LCP2: variants seen among roughly 807,000 people sequenced by gnomAD.
LCP2 encodes lymphocyte cytosolic protein 2, also known as 76 kDa tyrosine phosphoprotein.
In LCP2, 29 loss-of-function variants were observed where a neutral mutation model predicts 74.5. The ratio of observed to expected loss-of-function variants is 0.39; its 90% CI spans 0.29 to 0.53. The LOEUF is 0.53. Among genes scored for constraint, LCP2 ranks in the 20% least tolerant of loss-of-function variants. LCP2 has a pLI of 0.72. For missense variants in LCP2, 604 were observed against 634.6 expected, an observed-to-expected ratio of 0.95 and a Z score of 0.52; for synonymous variants, 228 against 229.5, an observed-to-expected ratio of 0.99 and a Z score of 0.06.
Position 170,261,459 on chromosome 5 carries a change from G to GTA in LCP2, c.927-324_927-323dup, listed in dbSNP as rs112523793. ...ATGTATATGTACACACACACTATAT[G>GTA]TATATACACACACACACACACACAC... On this transcript the variant is annotated intron_variant, in intron 13 of 20. Transcript: ENST00000046794. Among the ~76,000 whole-genome samples, 641 of 150,182 alleles carry GTA rather than the reference G, an allele frequency of 4.3e-3. 9 individuals are homozygous for GTA. The East Asian group carries it at 0.06, about 14-fold the overall frequency.
intron 3 of LCP2, among the ~76,000 whole-genome samples, chr5:170,284,098 A>C (rs1762145529): frequency 6.6e-6 from 1 of 152,242 alleles, no homozygotes; most frequent in Non-Finnish European, 1.5e-5. Context: ...GTAGTTATCT[A>C]ACAGCAGTTC....
chr5:170,288,808 G>A (rs1285249996), intron 2 of LCP2, among the ~76,000 whole-genome samples: 1 of 152,186 alleles, frequency 6.6e-6, no homozygotes. Flanking sequence ...ATCCTACCAC[G>A]TCTGATCCTT....
rs777517380 is a variant in LCP2, at chr5:170,262,694, C to A, written c.867G>T (p.Pro289=). The change falls in exon 13 of 21, where the codon CCG becomes CCT. Residue 289 remains proline, a synonymous_variant. Coordinates refer to ENST00000046794, the MANE Select transcript of LCP2 (RefSeq NM_005565.5). ...LPKIQKPPLP[P]TTERHERSSP... Reference sequence around the variant, plus strand: ...TGCTCCTTTCATGTCTTTCCGTGGTCGGTGGTAAAGGAGGCTTTTGAATCT... The same window carrying A: ...TGCTCCTTTCATGTCTTTCCGTGGTAGGTGGTAAAGGAGGCTTTTGAATCT... The A allele has an allele frequency of 3.1e-6, 5 of 1,613,964 alleles. No homozygotes were observed. The East Asian group carries it at 1.1e-4, about 36-fold the overall frequency.
chr5:170,266,048 C>A (rs973038999), intron 10 of LCP2, among the ~76,000 whole-genome samples: 6 of 152,206 alleles, frequency 3.9e-5, no homozygotes, highest in Admixed American at 2.0e-4. Flanking sequence ...TAAAAATGCA[C>A]CTCCTTTGTT....
rs1761318019 is a variant in LCP2 at position 170,247,196 on chromosome 5, A to G, written c.*1501T>C. ...GAGCCACTAAGTAAATACTTGCTGA[A>G]TAGCCCGTTGTGTAGACGTGTAAAT... is the stretch of plus-strand genomic sequence containing the variant. On this transcript the variant is annotated 3_prime_UTR_variant, in exon 21 of 21. Transcript: ENST00000046794. The G allele has an allele frequency of 6.6e-6, 1 of 152,212 alleles. No individual in the cohort carries two copies. The highest frequency in any genetic ancestry group is 1.5e-5 in the Non-Finnish European group (1 of 68,036). 9.4% of individuals were successfully genotyped at this position (152,212 alleles called of 1,614,324 possible).
At chr5:170,287,938 C>T (rs1453369652) in intron 3 of LCP2, 32 bp downstream of exon 3, 1 of 1,604,962 alleles carries the variant, frequency 6.2e-7, no homozygotes, top group African/African-American at 1.3e-5. Flanking sequence ...CCTCTGCTCC[C>T]AGATCACCCA....
intron 3 of LCP2, among the ~76,000 whole-genome samples, chr5:170,282,084 G>A (rs954480075): frequency 1.3e-5 from 2 of 152,220 alleles, no homozygotes; most frequent in South Asian, 2.1e-4. Flanking sequence ...CCTTTACAAT[G>A]TTGCAGGTGT....
chr5:170,291,103 AG>A (rs1334946241), intron 2 of LCP2, among the ~76,000 whole-genome samples: 6 of 147,866 alleles, frequency 4.1e-5, no homozygotes, highest in Admixed American at 1.3e-4. Flanking sequence ...AGGGAAGGAA[AG>A]GGAAGGGAAA....
At chr5:170,289,697 C>T (rs1047816285) in intron 2 of LCP2, among the ~76,000 whole-genome samples, 13 of 133,628 alleles carry the variant, frequency 9.7e-5, no homozygotes, top group African/African-American at 3.5e-4. Context: ...TTCTTTCTTT[C>T]TTTCCTTCTT....
intron 3 of LCP2, among the ~76,000 whole-genome samples, chr5:170,276,149 C>T (rs889031921): frequency 6.6e-6 from 1 of 151,956 alleles, no homozygotes; most frequent in African/African-American, 2.4e-5. Context: ...CCCTTAAAGA[C>T]TTGTCAGCTC....
chr5:170,260,138 G>T (rs545998114), intron 14 of LCP2, among the ~76,000 whole-genome samples: 1 of 152,176 alleles, frequency 6.6e-6, no homozygotes, highest in African/African-American at 2.4e-5. Context: ...ATCATTGAAT[G>T]ACCAGCATAA....
intron 2 of LCP2, among the ~76,000 whole-genome samples, chr5:170,291,735 C>G (rs1762299401): frequency 6.6e-6 from 1 of 152,222 alleles, no homozygotes; most frequent in Non-Finnish European, 1.5e-5. Context: ...AGGGCAAGTA[C>G]TTGCTCAGGG....
Position 170,290,984 on chromosome 5 carries a change from G to T in LCP2, c.141+2326C>A, listed in dbSNP as rs868025715. Among the ~76,000 whole-genome samples, 12 of 93,420 alleles carry T rather than the reference G, an allele frequency of 1.3e-4. No individual in the cohort carries two copies. The East Asian group carries it at 2.2e-3, about 17-fold the overall frequency. The allele number at this position is 93,420 out of a possible 152,430, so 61.3% of individuals were successfully genotyped here. ...AGAAAGAAAGAAAGAAAGAAAGAAAGAAAGAAAGAAAGAAAGAGAGAAAGA... is the reference window on the plus strand; with the variant it reads ...AGAAAGAAAGAAAGAAAGAAAGAAATAAAGAAAGAAAGAAAGAGAGAAAGA... On this transcript the variant is annotated intron_variant, in intron 2 of 20. Coordinates refer to ENST00000046794, the MANE Select transcript of LCP2 (RefSeq NM_005565.5).
In LCP2 at chr5:170,297,546, G is replaced by A; in HGVS notation, c.66C>T (p.Asp22=). Residue 22 remains aspartate (D), a synonymous_variant, in exon 1 of 21, where the codon GAC becomes GAT. Transcript: ENST00000046794. The stretch of plus-strand genomic sequence containing the variant: ...GAGCAAGGCTTACCTTCTTGAAATA[G>A]TCAGCAAGGCTGTCGGGGTCCCAGC... ...VLGWDPDSLA[D]YFKKLNYKDC... is the part of the protein sequence containing the mutation. 1 of 1,613,022 alleles carries A rather than the reference G, an allele frequency of 6.2e-7. No homozygotes were observed. Among genetic ancestry groups the A allele is most frequent in the Non-Finnish European group, 8.5e-7 (1 of 1,179,454 alleles).
intron 13 of LCP2, among the ~76,000 whole-genome samples, chr5:170,261,464 TACAC>T (rs1554139959): frequency 4.5e-5 from 2 of 44,256 alleles, no homozygotes; most frequent in South Asian, 5.8e-4. Flanking sequence ...TATATGTATA[TACAC>T]ACACACACAC....
chr5:170,249,362 G>GTATATATATATATA lies in LCP2; in HGVS notation c.1480-557_1480-544dup, dbSNP rs72371153. ...ATAGATAAAATATGTGCATGCGTGT[G>GTATATATATATATA]TATATATATATATATATATCTACAT... On this transcript the variant is annotated intron_variant, in intron 20 of 20. Transcript: ENST00000046794. Among the ~76,000 whole-genome samples, 405 of 108,106 alleles carry GTATATATATATATA rather than the reference G, an allele frequency of 3.7e-3. 2 individuals are homozygous for GTATATATATATATA. The highest frequency in any genetic ancestry group is 0.012 in the African/African-American group (392 of 32,414). The allele number at this position is 108,106 out of a possible 152,430, so 70.9% of individuals were successfully genotyped here.
chr5:170,278,044 G>A (rs1024380303), intron 3 of LCP2, among the ~76,000 whole-genome samples: 3 of 151,236 alleles, frequency 2.0e-5, no homozygotes, highest in African/African-American at 4.9e-5. Context: ...TCAAGAAGAC[G>A]ATGGGCATGT....
In LCP2 at chr5:170,258,843, T is replaced by A. The variant is rs370248058; in HGVS notation, c.970+23A>T. The A allele has an allele frequency of 2.0e-5, 32 of 1,567,982 alleles. No homozygotes were observed. In the African/African-American group the frequency reaches 3.1e-4, roughly 15 times the overall value. ...AAATGAAAGAATGAGTTATAGGCTG[T>A]AAGAATGTGTTTCCGAACATACCAT... On this transcript the variant is annotated intron_variant, in intron 15 of 20. Transcript: ENST00000046794.
chr5:170,265,689 G>A (rs970213359), intron 10 of LCP2, among the ~76,000 whole-genome samples: 6 of 152,296 alleles, frequency 3.9e-5, no homozygotes, highest in East Asian at 1.9e-4. Flanking sequence ...GATGTAGTTC[G>A]GGGAAAGAGC....
Sources: allele counts gnomAD v4.1 joint callset (sites outside exome capture counted in the v4.1 genomes callset), GRCh38; gene constraint gnomAD v4.1.1; transcripts MANE v1.5; gene names NCBI Gene and HGNC (gene_info 2026-07-23, HGNC 2026-07-21).